VAT1L: variants seen among roughly 807,000 people sequenced by gnomAD.
The protein encoded by VAT1L is putative NADPH-dependent quinone oxidoreductase VAT1L.
VAT1L carries 34 observed loss-of-function variants against 44.1 expected under a neutral mutation model. The observed-to-expected ratio is 0.77, with a 90% confidence interval of 0.59 to 1.03. The LOEUF (loss-of-function observed/expected upper bound fraction) is 1.03, where lower values mean the gene tolerates loss of function less well. Ranked by LOEUF, VAT1L falls within the 50% of genes least tolerant of loss-of-function variation. The pLI, the probability that VAT1L is intolerant of heterozygous loss-of-function variation, is 0.00. For missense variants in VAT1L, 615 were observed against 538.8 expected, an observed-to-expected ratio of 1.14 and a Z score of -1.40; for synonymous variants, 253 against 202.2, an observed-to-expected ratio of 1.25 and a Z score of -2.13.
chr16:77,841,577 C>T (rs76888931), intron 3 of VAT1L, among the ~76,000 whole-genome samples: 25 of 152,294 alleles, frequency 1.6e-4, no homozygotes, highest in East Asian at 1.5e-3. Flanking sequence ...ACTTTGTCCA[C>T]GGTACAGGAA....
intron 3 of VAT1L, among the ~76,000 whole-genome samples, chr16:77,848,293 G>A (rs1219356328): frequency 6.6e-6 from 1 of 152,178 alleles, no homozygotes; most frequent in African/African-American, 2.4e-5. Context: ...AAATATTATA[G>A]GAGGAAGCTG....
chr16:77,840,236 A>C (rs541676189), intron 3 of VAT1L, among the ~76,000 whole-genome samples: 1 of 152,330 alleles, frequency 6.6e-6, no homozygotes, highest in South Asian at 2.1e-4. Flanking sequence ...TTTGCTCATA[A>C]AAGCAAATGG....
chr16:77,835,207 T>C (rs1289215264), intron 3 of VAT1L, among the ~76,000 whole-genome samples: 1 of 152,190 alleles, frequency 6.6e-6, no homozygotes, highest in Non-Finnish European at 1.5e-5. Context: ...AAGAGTTATT[T>C]GCTGAACTAA....
At chr16:77,864,679 G>A (rs1271255966) in intron 4 of VAT1L, among the ~76,000 whole-genome samples, 1 of 152,184 alleles carries the variant, frequency 6.6e-6, no homozygotes, top group Non-Finnish European at 1.5e-5. Flanking sequence ...TGGGAGAGCT[G>A]GTTATTTGAG....
intron 4 of VAT1L, among the ~76,000 whole-genome samples, chr16:77,875,615 A>G (rs771458506): frequency 6.6e-5 from 10 of 152,200 alleles, no homozygotes; most frequent in Non-Finnish European, 1.5e-4. Context: ...TGAGTGAATC[A>G]ATGAATGTAT....
chr16:77,834,862 ACTT>A (rs1184827472), intron 3 of VAT1L, among the ~76,000 whole-genome samples: 1 of 152,116 alleles, frequency 6.6e-6, no homozygotes, highest in Non-Finnish European at 1.5e-5. Context: ...CGAGCAAAAT[ACTT>A]CTCAGTTTGC....
At chr16:77,806,990 C>T (rs1393663532) in intron 1 of VAT1L, among the ~76,000 whole-genome samples, 5 of 152,128 alleles carry the variant, frequency 3.3e-5, no homozygotes, top group Non-Finnish European at 5.9e-5. Flanking sequence ...GCACCTGATC[C>T]CAGCAGGTTC....
chr16:77,894,616 A>G (rs192997271), intron 7 of VAT1L, among the ~76,000 whole-genome samples: 1 of 152,298 alleles, frequency 6.6e-6, no homozygotes, highest in African/African-American at 2.4e-5. Flanking sequence ...GAGAGATAAA[A>G]ATGTTCTAAA....
At chr16:77,943,312 C>T (rs993362712) in intron 7 of VAT1L, among the ~76,000 whole-genome samples, 1 of 151,962 alleles carries the variant, frequency 6.6e-6, no homozygotes, top group African/African-American at 2.4e-5. Flanking sequence ...CCGCCTCAGC[C>T]TCCCAAAGTG....
intron 3 of VAT1L, among the ~76,000 whole-genome samples, chr16:77,845,561 C>T (rs143478392): frequency 1.3e-3 from 192 of 152,298 alleles, no homozygotes; most frequent in African/African-American, 4.1e-3. Context: ...CTAGGGTCCA[C>T]TTGTGGGGAA....
intron 7 of VAT1L, among the ~76,000 whole-genome samples, chr16:77,956,546 G>A (rs2018105583): frequency 6.6e-6 from 1 of 152,144 alleles, no homozygotes; most frequent in Non-Finnish European, 1.5e-5. Flanking sequence ...CCTCTGCCTT[G>A]TCCTTTACAT....
intron 5 of VAT1L, among the ~76,000 whole-genome samples, chr16:77,878,539 C>T (rs368198260): frequency 2.0e-5 from 3 of 151,960 alleles, no homozygotes; most frequent in East Asian, 3.9e-4. Context: ...CCCAACTCCA[C>T]CTCCCATCTG....
At chr16:77,827,548 C>T (rs2016536109) in intron 3 of VAT1L, among the ~76,000 whole-genome samples, 1 of 152,144 alleles carries the variant, frequency 6.6e-6, no homozygotes. Context: ...GGTGAAGGAA[C>T]TGGGGAAAGT....
intron 5 of VAT1L, among the ~76,000 whole-genome samples, chr16:77,877,750 A>T (rs561236497): frequency 2.6e-5 from 4 of 152,154 alleles, no homozygotes; most frequent in African/African-American, 9.7e-5. Context: ...TAAAATAGAT[A>T]TTTGAGAGGT....
chr16:77,970,088 G>C (rs1173250359), intron 7 of VAT1L, among the ~76,000 whole-genome samples: 1 of 144,846 alleles, frequency 6.9e-6, no homozygotes, highest in Non-Finnish European at 1.5e-5. Flanking sequence ...CAAAAAATTA[G>C]CTGAGCACGT....
intron 7 of VAT1L, among the ~76,000 whole-genome samples, chr16:77,940,576 C>A (rs947869528): frequency 3.3e-5 from 5 of 151,988 alleles, no homozygotes; most frequent in African/African-American, 1.2e-4. Context: ...AACTCCTGAC[C>A]ACGTGATCCG....
At position 77,825,317 on chromosome 16, in the gene VAT1L, T is replaced by C; in HGVS notation, c.435T>C (p.Phe145=). ...WAEVVCTPVE[F]VYKIPDDMSF... is the part of the protein sequence containing the mutation. Reference sequence around the variant, plus strand: ...AGGTGGTCTGCACACCAGTGGAGTTTGTCTACAAGATCCCGGATGACATGA... The same window carrying C: ...AGGTGGTCTGCACACCAGTGGAGTTCGTCTACAAGATCCCGGATGACATGA... The change falls in exon 3 of 9, where the codon TTT becomes TTC. Residue 145 remains phenylalanine (F), a synonymous_variant. Transcript: ENST00000302536. 1 of 1,614,212 alleles carries C rather than the reference T, an allele frequency of 6.2e-7. No homozygotes were observed. Among genetic ancestry groups the C allele is most frequent in the Non-Finnish European group, 8.5e-7 (1 of 1,180,040 alleles).
chr16:77,929,650 G>A (rs1446460526), intron 7 of VAT1L, among the ~76,000 whole-genome samples: 1 of 152,150 alleles, frequency 6.6e-6, no homozygotes, highest in Non-Finnish European at 1.5e-5. Flanking sequence ...TGGTGAGATA[G>A]AGAGCCCTCA....
intron 7 of VAT1L, among the ~76,000 whole-genome samples, chr16:77,942,358 G>A (rs113059489): frequency 0.012 from 1,877 of 152,122 alleles, 21 homozygotes; most frequent in Middle Eastern, 0.027. Context: ...TCCCTCCCAC[G>A]ATATGGAAAT....
Sources: gnomAD v4.1 joint callset for allele counts (sites outside exome capture counted in the v4.1 genomes callset) on GRCh38, gnomAD v4.1.1 for gene constraint, MANE v1.5 for transcripts, NCBI Gene and HGNC (gene_info 2026-07-23, HGNC 2026-07-21) for gene names.